Variants in KIF18A observed in about 807,000 individuals in gnomAD.
KIF18A encodes kinesin family member 18A.
Under a neutral mutation model 103.3 loss-of-function variants are expected in KIF18A, and 67 were observed. The observed-to-expected ratio is 0.65, with a 90% CI of 0.53 to 0.79. KIF18A has a LOEUF of 0.79. Among genes scored for constraint, KIF18A ranks in the 30% least tolerant of loss-of-function variants. KIF18A has a pLI of 0.00. For synonymous variants in KIF18A, 367 were observed against 355.5 expected (o/e 1.03, Z -0.36); for missense variants, 1,032 against 1,062.5 (o/e 0.97, Z 0.40).
chr11:28,104,387 A>G (rs1851480999), intron 1 of KIF18A, among the ~76,000 whole-genome samples: 1 of 152,118 alleles, frequency 6.6e-6, no homozygotes, highest in South Asian at 2.1e-4. Flanking sequence ...TTCAGCTGCA[A>G]TGACTTTCTT....
At chr11:28,044,624 C>G (rs1850606121) in intron 13 of KIF18A, among the ~76,000 whole-genome samples, 1 of 152,000 alleles carries the variant, frequency 6.6e-6, no homozygotes, top group Non-Finnish European at 1.5e-5. Flanking sequence ...TACTGTAAGT[C>G]CAAAGACAGA....
chr11:28,087,116 T>C (rs1851238750), intron 6 of KIF18A, among the ~76,000 whole-genome samples: 2 of 152,228 alleles, frequency 1.3e-5, no homozygotes, highest in South Asian at 4.1e-4. Flanking sequence ...CTGGGATACA[T>C]GTGCAGAACG....
rs1850474994 is a variant in KIF18A, at chr11:28,035,528, A to G, written c.2397-34T>C. 5.5e-6 allele frequency: 7 copies of G among 1,276,298 alleles called. No homozygotes were observed. The South Asian group carries it at 1.0e-4, about 19-fold the overall frequency. The allele number at this position is 1,276,298 out of a possible 1,614,324, so 79.1% of individuals were successfully genotyped here. A position where few individuals can be genotyped will look rare whatever the true frequency, so the allele number is the denominator to read the frequency against. On this transcript the variant is annotated intron_variant, in intron 14 of 16. Coordinates refer to ENST00000263181, the MANE Select transcript of KIF18A (RefSeq NM_031217.4). Reference sequence around the variant, plus strand: ...TAATAGTGACAAATAAAAAATAATAATTTTGATTTGAACTATGAAGAGAAA... The same window carrying G: ...TAATAGTGACAAATAAAAAATAATAGTTTTGATTTGAACTATGAAGAGAAA...
At chr11:28,045,460 G>A (rs928468403) in intron 13 of KIF18A, among the ~76,000 whole-genome samples, 2 of 151,080 alleles carry the variant, frequency 1.3e-5, no homozygotes, top group African/African-American at 4.9e-5. Flanking sequence ...AGAAATGTCA[G>A]TATATTCTTA....
intron 13 of KIF18A, among the ~76,000 whole-genome samples, chr11:28,056,550 T>C (rs925048635): frequency 6.6e-6 from 1 of 151,952 alleles, no homozygotes; most frequent in Admixed American, 6.6e-5. Context: ...GAGGAGATAA[T>C]GGTTAAGAAT....
chr11:28,069,180 T>C (rs1175460266), intron 11 of KIF18A, 79 bp downstream of exon 11: 4 of 1,090,168 alleles, frequency 3.7e-6, no homozygotes, highest in Non-Finnish European at 5.6e-6. Flanking sequence ...ATGAAAGACA[T>C]TTACTCAATA....
chr11:28,090,648 G>A lies in KIF18A; in HGVS notation c.668C>T (p.Ala223Val). 1.2e-6 allele frequency: 2 copies of A among 1,603,358 alleles called. No homozygotes were observed. The highest frequency in any genetic ancestry group is 1.7e-6 in the Non-Finnish European group (2 of 1,171,148). Residue 223 changes from alanine to valine, a missense_variant, in exon 5 of 17, where the codon GCC becomes GTC. Transcript: ENST00000263181. The part of the protein sequence containing the change: ...NRTQHPTDMN[A>V]TSSRSHAVFQ... ...AACAGCATGAGAACGAGAAGATGTG[G>A]CATTCATATCAGTGGGATGTTGTGT...
At chr11:28,046,888 C>A (rs1344390872) in intron 13 of KIF18A, among the ~76,000 whole-genome samples, 1 of 150,376 alleles carries the variant, frequency 6.6e-6, no homozygotes, top group African/African-American at 2.4e-5. Flanking sequence ...CCCTTCTCTA[C>A]TAAAAATACA....
At chr11:28,050,735 C>CT (rs1343216277) in intron 13 of KIF18A, among the ~76,000 whole-genome samples, 1 of 151,698 alleles carries the variant, frequency 6.6e-6, no homozygotes, top group Non-Finnish European at 1.5e-5. Flanking sequence ...ATAAATTTTG[C>CT]TGTCAGCACC....
intron 10 of KIF18A, among the ~76,000 whole-genome samples, chr11:28,075,719 TTTGAAAG>T (rs1379482185): frequency 2.0e-5 from 3 of 152,170 alleles, no homozygotes; most frequent in Non-Finnish European, 4.4e-5. Context: ...GTTTTGTAAT[TTTGAAAG>T]TTGAATTTAT....
chr11:28,080,089 G>T (rs1851145601), intron 9 of KIF18A, among the ~76,000 whole-genome samples: 1 of 152,010 alleles, frequency 6.6e-6, no homozygotes, highest in African/African-American at 2.4e-5. Context: ...AGATTTACAT[G>T]AAATATACAA....
intron 13 of KIF18A, among the ~76,000 whole-genome samples, chr11:28,042,245 A>C (rs202139478): frequency 1.3e-5 from 2 of 151,820 alleles, no homozygotes; most frequent in East Asian, 3.9e-4. Context: ...TTGAAAATGA[A>C]GTTCACCTCC....
intron 15 of KIF18A, among the ~76,000 whole-genome samples, 177 bp from the exon 16 acceptor site, chr11:28,024,027 T>C (rs766981140): frequency 1.1e-4 from 17 of 151,902 alleles, no homozygotes; most frequent in Admixed American, 2.0e-4. Flanking sequence ...TTTAGCTGTG[T>C]GTGATTTTAA....
intron 6 of KIF18A, among the ~76,000 whole-genome samples, chr11:28,087,194 A>T (rs1488225659): frequency 6.6e-6 from 1 of 152,206 alleles, no homozygotes; most frequent in Admixed American, 6.5e-5. Flanking sequence ...TGTAATCTAC[A>T]TTAGGTATTT....
chr11:28,057,243 C>T (rs973823718), intron 13 of KIF18A, among the ~76,000 whole-genome samples: 9 of 152,174 alleles, frequency 5.9e-5, no homozygotes, highest in Admixed American at 3.9e-4. Context: ...CAGCTGGGCG[C>T]GGTGGCTCAC....
rs369544834 is a variant in KIF18A at position 28,042,351 on chromosome 11, C to T, written c.1949-5687G>A. On this transcript the variant is annotated intron_variant, in intron 13 of 16. Transcript: ENST00000263181. ...CTTTTTAGGTTAGGCACCCTACTGT[C>T]TCTGCATATTCATCTCTGGACACTC... Among the ~76,000 whole-genome samples the T allele has an allele frequency of 4.0e-5, 6 of 151,862 alleles. No individual in the cohort carries two copies. The East Asian group carries it at 9.7e-4, about 25-fold the overall frequency.
intron 6 of KIF18A, among the ~76,000 whole-genome samples, chr11:28,085,400 C>T (rs1851213955): frequency 6.6e-6 from 1 of 152,202 alleles, no homozygotes; most frequent in Non-Finnish European, 1.5e-5. Flanking sequence ...AATGGTCATG[C>T]TCCTTGTCCA....
intron 10 of KIF18A, among the ~76,000 whole-genome samples, chr11:28,070,453 T>C (rs1850998388): frequency 6.6e-6 from 1 of 152,092 alleles, no homozygotes. Context: ...TTACTTACCT[T>C]CCCCTCAAGG....
At chr11:28,028,024 A>G (rs984486990) in intron 15 of KIF18A, among the ~76,000 whole-genome samples, 1 of 152,062 alleles carries the variant, frequency 6.6e-6, no homozygotes, top group African/African-American at 2.4e-5. Flanking sequence ...TATCCCAGGG[A>G]TGCAAGATGG....
Sources: gnomAD v4.1 joint callset for allele counts (sites outside exome capture counted in the v4.1 genomes callset) on GRCh38, gnomAD v4.1.1 for gene constraint, MANE v1.5 for transcripts, NCBI Gene and HGNC (gene_info 2026-07-23, HGNC 2026-07-21) for gene names.